Variants in MYCBP2 observed in about 807,000 individuals in gnomAD.
MYCBP2 encodes MYC binding protein 2.
Under a neutral mutation model 525.3 loss-of-function variants are expected in MYCBP2, and 120 were observed. That is an observed-to-expected ratio of 0.23 (90% CI 0.20 to 0.27). The LOEUF is 0.27. Ranked by LOEUF, MYCBP2 falls within the 10% of genes least tolerant of loss-of-function variation. The pLI is 1.00. For synonymous variants in MYCBP2, 1,894 were observed against 1,955.8 expected (o/e 0.97, Z 0.83); for missense variants, 4,149 against 5,657.1 (o/e 0.73, Z 8.55).
chr13:77,101,060 G>A (rs1157023085), intron 55 of MYCBP2, among the ~76,000 whole-genome samples: 1 of 152,092 alleles, frequency 6.6e-6, no homozygotes, highest in African/African-American at 2.4e-5. Context: ...TTAATTTTGA[G>A]TATGTGATGT....
chr13:77,150,995 T>C, intron 46 of MYCBP2, 46 bp from the exon 47 acceptor site: 3 of 1,475,698 alleles, frequency 2.0e-6, no homozygotes, highest in South Asian at 1.2e-5. Flanking sequence ...TATTTAATTG[T>C]CACTGACATC....
chr13:77,259,811 A>C (rs1792535350), intron 13 of MYCBP2, among the ~76,000 whole-genome samples: 1 of 152,206 alleles, frequency 6.6e-6, no homozygotes, highest in African/African-American at 2.4e-5. Flanking sequence ...CACTCATTAT[A>C]TTCATTTCTA....
At chr13:77,125,777 C>A (rs1289613714) in intron 53 of MYCBP2, among the ~76,000 whole-genome samples, 1 of 152,104 alleles carries the variant, frequency 6.6e-6, no homozygotes, top group Non-Finnish European at 1.5e-5. Flanking sequence ...TCTAAAATGT[C>A]CTAACACAGC....
At chr13:77,056,886 G>A in intron 79 of MYCBP2, 100 bp downstream of exon 79, 1 of 829,648 alleles carries the variant, frequency 1.2e-6, no homozygotes, top group Non-Finnish European at 2.0e-6. Context: ...GCTAGGGGCT[G>A]GTGGGTAAAA....
chr13:77,163,157 C>T (rs890259677), intron 43 of MYCBP2, among the ~76,000 whole-genome samples: 1 of 152,182 alleles, frequency 6.6e-6, no homozygotes, highest in African/African-American at 2.4e-5. Context: ...TTTACAATCA[C>T]AAGCACTGCT....
At chr13:77,164,251 A>C (rs948394066) in intron 43 of MYCBP2, among the ~76,000 whole-genome samples, 1 of 152,214 alleles carries the variant, frequency 6.6e-6, no homozygotes, top group Admixed American at 6.5e-5. Context: ...AAGGGTGTCC[A>C]TGTGCGTGTG....
At chr13:77,230,146 CCTT>C (rs981431134) in intron 18 of MYCBP2, among the ~76,000 whole-genome samples, 119 of 152,266 alleles carry the variant, frequency 7.8e-4, no homozygotes, top group African/African-American at 2.5e-3. Context: ...TGAATTCTGA[CCTT>C]CTCTGAATTT....
chr13:77,046,235 A>G (rs981840600), intron 82 of MYCBP2, among the ~76,000 whole-genome samples: 1 of 152,212 alleles, frequency 6.6e-6, no homozygotes, highest in South Asian at 2.1e-4. Context: ...TTTAGAAAAG[A>G]TTTTTAGTTC....
chr13:77,115,393 T>C (rs2049558514), intron 55 of MYCBP2, among the ~76,000 whole-genome samples: 1 of 151,920 alleles, frequency 6.6e-6, no homozygotes, highest in African/African-American at 2.4e-5. Flanking sequence ...TGTAGAACAG[T>C]AAAGAAAATT....
chr13:77,150,070 A>G (rs1207091650), intron 47 of MYCBP2, among the ~76,000 whole-genome samples: 1 of 152,196 alleles, frequency 6.6e-6, no homozygotes. Flanking sequence ...AATAATGACT[A>G]CCTTGATAAT....
At chr13:77,285,386 T>TA (rs2076622107) in intron 3 of MYCBP2, among the ~76,000 whole-genome samples, 1 of 152,210 alleles carries the variant, frequency 6.6e-6, no homozygotes, top group Non-Finnish European at 1.5e-5. Context: ...CTATGTTTTT[T>TA]ATCTCAATCT....
At chr13:77,061,331 T>C (rs2154072157) in intron 75 of MYCBP2, 30 bp from the exon 76 acceptor site, 1 of 1,553,184 alleles carries the variant, frequency 6.4e-7, no homozygotes. Context: ...CAGGGAAAAA[T>C]ATGCTTATTT....
chr13:77,299,561 C>A (rs1244006289), intron 1 of MYCBP2, among the ~76,000 whole-genome samples: 3 of 151,990 alleles, frequency 2.0e-5, no homozygotes, highest in African/African-American at 7.2e-5. Flanking sequence ...TTTAAAAATG[C>A]CATTTGCTAG....
In MYCBP2 at chr13:77,081,912, C is replaced by T; in HGVS notation, c.11118G>A (p.Leu3706=). The T allele has an allele frequency of 6.2e-7, 1 of 1,613,634 alleles. No individual in the cohort carries two copies. Among genetic ancestry groups the T allele is most frequent in the Non-Finnish European group, 8.5e-7 (1 of 1,179,758 alleles). Residue 3706 remains leucine, a synonymous_variant, in exon 64 of 83, where the codon TTG becomes TTA. Coordinates refer to ENST00000544440, the MANE Select transcript of MYCBP2 (RefSeq NM_015057.5). The surrounding 1 kb of genome is among the most constrained non-coding windows in gnomAD (Gnocchi z 4.6). ...CACTATCGCCATCATCTGACTTTGACAAAATATTGTTAATGTGATGAAAGA... is the reference window on the plus strand; with the variant it reads ...CACTATCGCCATCATCTGACTTTGATAAAATATTGTTAATGTGATGAAAGA... The part of the protein sequence containing the change: ...SNVFHHINNI[L]SKSDDGDSEE...
chr13:77,076,903 T>C, intron 67 of MYCBP2, 54 bp from the exon 68 acceptor site: 1 of 1,357,212 alleles, frequency 7.4e-7, no homozygotes, highest in Non-Finnish European at 1.0e-6. Context: ...AACACTATAT[T>C]GGCCAGAGGA....
rs1311770473 is a variant in MYCBP2 at position 77,179,864 on chromosome 13, GT to G, written c.5133+262del. 4.6e-5 allele frequency among the ~76,000 whole-genome samples: 7 copies of G among 152,258 alleles called. No homozygotes were observed. The South Asian group carries it at 1.5e-3, about 32-fold the overall frequency. ...TTTCACGGGGCATGGTGGTGGGCTT[GT>G]GCAATGGGGCAGATGACGACCTGCT... On this transcript the variant is annotated intron_variant, in intron 34 of 82. Coordinates refer to ENST00000544440, the MANE Select transcript of MYCBP2 (RefSeq NM_015057.5).
chr13:77,048,267 G>T (rs1325144841), intron 82 of MYCBP2, among the ~76,000 whole-genome samples: 2 of 152,054 alleles, frequency 1.3e-5, no homozygotes, highest in African/African-American at 4.8e-5. Context: ...CTGAGAGTGG[G>T]TCCTCACCAG....
intron 19 of MYCBP2, 45 bp downstream of exon 19, chr13:77,225,390 C>A: frequency 6.2e-7 from 1 of 1,610,276 alleles, no homozygotes; most frequent in South Asian, 1.1e-5. Context: ...AGTTACTGAG[C>A]ACAATTGTAA....
chr13:77,095,686 A>T, intron 57 of MYCBP2, 84 bp from the exon 58 acceptor site: 1 of 1,456,358 alleles, frequency 6.9e-7, no homozygotes, highest in Non-Finnish European at 9.3e-7. Context: ...TGAGTTTCCA[A>T]TAAAAATTAT....
Sources: gnomAD v4.1 joint callset for allele counts (sites outside exome capture counted in the v4.1 genomes callset) on GRCh38, gnomAD v4.1.1 for gene constraint, Gnocchi (gnomAD v3.1) non-coding constraint, MANE v1.5 for transcripts, NCBI Gene and HGNC (gene_info 2026-07-23, HGNC 2026-07-21) for gene names.